STK32A: variants seen among roughly 807,000 people sequenced by gnomAD.
The protein encoded by STK32A is serine/threonine-protein kinase 32A.
Under a neutral mutation model 53.2 loss-of-function variants are expected in STK32A, and 41 were observed. The observed-to-expected ratio is 0.77, with a 90% CI of 0.60 to 1.00. The LOEUF (loss-of-function observed/expected upper bound fraction) is 1.00. Among genes scored for constraint, STK32A ranks in the 50% least tolerant of loss-of-function variants. STK32A has a pLI of 0.00. For synonymous variants in STK32A, 166 were observed against 162.8 expected, an observed-to-expected ratio of 1.02 and a Z score of -0.15; for missense variants, 458 against 485.8, an observed-to-expected ratio of 0.94 and a Z score of 0.54.
At chr5:147,396,607 C>G in the STK32A span, among the ~76,000 whole-genome samples, 1 of 152,158 alleles carries the variant, frequency 6.6e-6, no homozygotes, top group Non-Finnish European at 1.5e-5. Flanking sequence ...CCGAGCCCAT[C>G]AAATGTGCAG....
chr5:147,270,281 T>C (rs1162986785), intron 2 of STK32A, among the ~76,000 whole-genome samples: 4 of 152,074 alleles, frequency 2.6e-5, no homozygotes, highest in Admixed American at 6.5e-5. Flanking sequence ...CACAGCTTAC[T>C]GCAGCCTTGA....
At chr5:147,287,785 G>C (rs993229993) in intron 4 of STK32A, among the ~76,000 whole-genome samples, 4 of 151,838 alleles carry the variant, frequency 2.6e-5, no homozygotes, top group Non-Finnish European at 1.5e-5. Context: ...AGAATGACAA[G>C]ATACTGTCAC....
intron 4 of STK32A, among the ~76,000 whole-genome samples, chr5:147,290,297 G>A (rs537280730): frequency 2.6e-5 from 4 of 152,204 alleles, no homozygotes; most frequent in Middle Eastern, 3.4e-3. Context: ...ACGTTAAGGA[G>A]GAAAGAACAT....
intron 2 of STK32A, among the ~76,000 whole-genome samples, chr5:147,259,636 T>C (rs1754402033): frequency 6.6e-6 from 1 of 152,172 alleles, no homozygotes; most frequent in African/African-American, 2.4e-5. Context: ...GTTGGTGTGC[T>C]GCACCCATTA....
chr5:147,283,056 C>A (rs767012227), intron 4 of STK32A, among the ~76,000 whole-genome samples: 1 of 152,060 alleles, frequency 6.6e-6, no homozygotes, highest in Non-Finnish European at 1.5e-5. Context: ...ATAAAATGAG[C>A]CTCAATAAAT....
intron 2 of STK32A, among the ~76,000 whole-genome samples, chr5:147,242,622 C>G (rs1437580947): frequency 7.9e-5 from 12 of 152,036 alleles, no homozygotes; most frequent in Admixed American, 7.9e-4. Flanking sequence ...AAGAATAGTT[C>G]AAGAACAGGA....
intron 2 of STK32A, among the ~76,000 whole-genome samples, chr5:147,265,946 C>A (rs1422519656): frequency 1.3e-5 from 2 of 152,126 alleles, no homozygotes; most frequent in African/African-American, 4.8e-5. Context: ...CTTTTTCACC[C>A]TTCCTTGGCA....
chr5:147,348,682 G>T, intron 6 of STK32A: 1 of 771,970 alleles, frequency 1.3e-6, no homozygotes, highest in South Asian at 1.4e-5. Context: ...GGAATTTGTT[G>T]TTTTTAATAC....
In STK32A at chr5:147,384,421, C is replaced by T. The variant is rs1454172342; in HGVS notation, c.*438C>T. The T allele has an allele frequency of 2.0e-6, 3 of 1,533,782 alleles. No homozygotes were observed. The highest frequency in any genetic ancestry group is 2.6e-6 in the Non-Finnish European group (3 of 1,145,864). ...CAGGACTCAGTGAGACTTTTCAGAC[C>T]TCGAAAGTTTCATAAAGTGGTCAGA... On this transcript the variant is annotated 3_prime_UTR_variant, in exon 13 of 13. Coordinates refer to ENST00000397936, the MANE Select transcript of STK32A (RefSeq NM_001112724.2).
intron 5 of STK32A, among the ~76,000 whole-genome samples, chr5:147,333,243 C>T (rs1754957865): frequency 6.6e-6 from 1 of 152,130 alleles, no homozygotes; most frequent in Admixed American, 6.6e-5. Flanking sequence ...GAAGTAGACA[C>T]ATTTTTGACT....
chr5:147,244,890 A>G (rs1009126507), intron 2 of STK32A, among the ~76,000 whole-genome samples: 30 of 152,226 alleles, frequency 2.0e-4, no homozygotes, highest in Non-Finnish European at 3.8e-4. Flanking sequence ...AATTAATGCT[A>G]ATTAAGTGTT....
At chr5:147,383,387 T>G in intron 11 of STK32A, 54 bp from the exon 12 acceptor site, 2 of 1,443,804 alleles carry the variant, frequency 1.4e-6, no homozygotes, top group Non-Finnish European at 1.9e-6. Flanking sequence ...TGTTTGAAGA[T>G]TCTCATTTGT....
chr5:147,323,900 A>T lies in STK32A; in HGVS notation c.263A>T (p.Tyr88Phe), dbSNP rs772649902. 8.3e-5 allele frequency: 134 copies of T among 1,611,890 alleles called. No homozygotes were observed. Among genetic ancestry groups the T allele is most frequent in the Non-Finnish European group, 1.1e-4 (129 of 1,179,030 alleles). The change falls in exon 5 of 13, where the codon TAT becomes TTT. Residue 88 changes from tyrosine (Y) to phenylalanine (F), a missense_variant and splice_region_variant. Physicochemically the swap from Tyr to Phe is conservative, Grantham distance 22. Transcript: ENST00000397936. ...TTTCTCTTCTAATGTAATTCCAGGT[A>T]TTCCTTCCAAGATGAGGAAGACATG... ...LEHPFLVNLW[Y>F]SFQDEEDMFM...
At chr5:147,381,083 A>C (rs1454769985) in intron 11 of STK32A, among the ~76,000 whole-genome samples, 2 of 152,142 alleles carry the variant, frequency 1.3e-5, no homozygotes, top group Non-Finnish European at 2.9e-5. Flanking sequence ...CATTTCTTAC[A>C]GGGAAGTTCT....
chr5:147,401,755 A>G, the STK32A span: 30 of 1,594,000 alleles, frequency 1.9e-5, no homozygotes, highest in Non-Finnish European at 2.4e-5. Flanking sequence ...CACTGGGCCA[A>G]GCCTATTTAA....
rs570391051 is a variant in STK32A at position 147,325,339 on chromosome 5, G to T, written c.434+1268G>T. On this transcript the variant is annotated intron_variant, in intron 5 of 12. Coordinates refer to ENST00000397936, the MANE Select transcript of STK32A (RefSeq NM_001112724.2). ...TATATATATATATATATATTAGAGA[G>T]ATGGGGTTTCACCATGTTGCCCAGT... Among the ~76,000 whole-genome samples the T allele has an allele frequency of 2.4e-4, 37 of 151,826 alleles. No homozygotes were observed. In the South Asian group the frequency reaches 4.2e-3, roughly 17 times the overall value.
At chr5:147,351,200 C>T in intron 7 of STK32A, 46 bp downstream of exon 7, 1 of 1,466,374 alleles carries the variant, frequency 6.8e-7, no homozygotes, top group Non-Finnish European at 9.5e-7. Flanking sequence ...CTGTAAATAC[C>T]ATTTATTACA....
intron 7 of STK32A, among the ~76,000 whole-genome samples, chr5:147,358,477 A>G (rs1397592565): frequency 6.6e-6 from 1 of 152,208 alleles, no homozygotes; most frequent in East Asian, 1.9e-4. Flanking sequence ...TCACATGTAT[A>G]GGAACGTTCA....
chr5:147,238,613 G>C (rs996809912), intron 1 of STK32A, among the ~76,000 whole-genome samples: 1 of 152,104 alleles, frequency 6.6e-6, no homozygotes, highest in Non-Finnish European at 1.5e-5. Context: ...CTATGAAAAT[G>C]TTTTGTGTAT....
Sources: gnomAD v4.1 joint callset for allele counts (sites outside exome capture counted in the v4.1 genomes callset) on GRCh38, gnomAD v4.1.1 for gene constraint, MANE v1.5 for transcripts, NCBI Gene and HGNC (gene_info 2026-07-23, HGNC 2026-07-21) for gene names.